Variants in CTNNA2 observed in about 807,000 individuals in gnomAD.
The protein encoded by CTNNA2 is catenin alpha-2.
Under a neutral mutation model 101.0 loss-of-function variants are expected in CTNNA2, and 42 were observed. The ratio of observed to expected loss-of-function variants is 0.42; its 90% CI spans 0.32 to 0.54. CTNNA2 has a LOEUF of 0.54. CTNNA2 is among the 20% of genes least tolerant of loss of function. The pLI is 0.14. For missense variants in CTNNA2, 871 were observed against 1,223.1 expected (o/e 0.71, Z 4.29); for synonymous variants, 450 against 456.4 (o/e 0.99, Z 0.18).
At chr2:80,193,348 G>C (rs769765195) in intron 7 of CTNNA2, among the ~76,000 whole-genome samples, 3 of 152,160 alleles carry the variant, frequency 2.0e-5, no homozygotes, top group Non-Finnish European at 2.9e-5. Flanking sequence ...TGTAATAGAA[G>C]CAAGCTTGAA....
chr2:79,276,949 C>T (rs530815880), intron 2 of CTNNA2, among the ~76,000 whole-genome samples: 1 of 152,280 alleles, frequency 6.6e-6, no homozygotes, highest in East Asian at 1.9e-4. Flanking sequence ...GATGTGCACA[C>T]ACACACATGC....
At chr2:79,253,651 G>C (rs1454126577) in intron 2 of CTNNA2, among the ~76,000 whole-genome samples, 5 of 152,190 alleles carry the variant, frequency 3.3e-5, no homozygotes, top group Admixed American at 2.0e-4. Context: ...CAGAGGGACA[G>C]CAAGGAAGGA....
At position 79,237,118 on chromosome 2, in the gene CTNNA2, T is replaced by C. The variant is rs78330109; in HGVS notation, c.-406+39042T>C. 3.3e-3 allele frequency among the ~76,000 whole-genome samples: 504 copies of C among 152,338 alleles called. 2 individuals carry two copies. The highest frequency in any genetic ancestry group is 0.012 in the African/African-American group (491 of 41,576). On this transcript the variant is annotated intron_variant, in intron 2 of 21. Coordinates refer to the CTNNA2 transcript ENST00000466387. The stretch of plus-strand genomic sequence containing the variant: ...AGCTACAGCCTTATGAAATGTATTT[T>C]TTAAATAGTCAGACCTGAAAGTCAA...
chr2:79,887,579 C>A (rs1447880083), intron 6 of CTNNA2, among the ~76,000 whole-genome samples: 1 of 152,098 alleles, frequency 6.6e-6, no homozygotes, highest in Non-Finnish European at 1.5e-5. Flanking sequence ...TATTCTTAAA[C>A]AAAATTCTAC....
chr2:79,552,358 G>A (rs955893325), intron 1 of CTNNA2, among the ~76,000 whole-genome samples: 1 of 151,976 alleles, frequency 6.6e-6, no homozygotes, highest in African/African-American at 2.4e-5. Context: ...GGCACTGGGA[G>A]CCCCCTTGGC....
intron 2 of CTNNA2, among the ~76,000 whole-genome samples, chr2:79,700,417 TGC>T (rs1219016983): frequency 6.6e-6 from 1 of 151,912 alleles, no homozygotes; most frequent in Non-Finnish European, 1.5e-5. Context: ...ATAATGGAGG[TGC>T]CAAGAGAGTC....
At position 79,657,708 on chromosome 2, in the gene CTNNA2, C is replaced by T. The variant is rs183819173; in HGVS notation, c.102+6050C>T. Among the ~76,000 whole-genome samples the T allele has an allele frequency of 5.9e-5, 9 of 151,578 alleles. No homozygotes were observed. In the East Asian group the frequency reaches 1.5e-3, roughly 26 times the overall value. The stretch of plus-strand genomic sequence containing the variant: ...ACCTACCTAAGCTATTAGTAAATAG[C>T]ACCCAGCAGTATATGAAAAGATCAG... On this transcript the variant is annotated intron_variant, in intron 2 of 18. Transcript: ENST00000402739.
intron 1 of CTNNA2, among the ~76,000 whole-genome samples, chr2:79,550,129 A>G (rs1674002102): frequency 6.6e-6 from 1 of 152,182 alleles, no homozygotes; most frequent in African/African-American, 2.4e-5. Context: ...CTGGATATCA[A>G]TGTCAAGTGA....
chr2:80,488,652 T>C (rs985662564), intron 9 of CTNNA2, among the ~76,000 whole-genome samples: 2 of 152,210 alleles, frequency 1.3e-5, no homozygotes, highest in Non-Finnish European at 2.9e-5. Flanking sequence ...GTTTCCATTC[T>C]AATACAGTTT....
chr2:79,978,310 G>A (rs1323564781), intron 7 of CTNNA2, among the ~76,000 whole-genome samples: 4 of 152,110 alleles, frequency 2.6e-5, no homozygotes, highest in Non-Finnish European at 2.9e-5. Context: ...CCTGGCTTTC[G>A]ACATCGGCCA....
intron 1 of CTNNA2, among the ~76,000 whole-genome samples, chr2:79,644,191 C>G (rs934594988): frequency 5.9e-5 from 9 of 152,054 alleles, no homozygotes; most frequent in African/African-American, 2.2e-4. Context: ...GTGGCCACCA[C>G]CACACCTAGC....
At chr2:79,314,544 G>T (rs1394659173) in intron 3 of CTNNA2, among the ~76,000 whole-genome samples, 1 of 152,242 alleles carries the variant, frequency 6.6e-6, no homozygotes, top group Admixed American at 6.5e-5. Flanking sequence ...AAGGCTCAGA[G>T]AATAGAGACC....
intron 7 of CTNNA2, among the ~76,000 whole-genome samples, chr2:80,338,938 C>A (rs1348596441): frequency 6.6e-6 from 1 of 152,148 alleles, no homozygotes; most frequent in Non-Finnish European, 1.5e-5. Context: ...AACAGGAATG[C>A]ACATTTTCTA....
At chr2:80,212,427 AG>A (rs1351977758) in intron 7 of CTNNA2, among the ~76,000 whole-genome samples, 17 of 152,154 alleles carry the variant, frequency 1.1e-4, no homozygotes, top group African/African-American at 3.9e-4. Flanking sequence ...TTTAGCATGA[AG>A]GGCTGTTGAA....
chr2:79,844,517 G>A lies in CTNNA2; in HGVS notation c.299-13496G>A, dbSNP rs141063167. On this transcript the variant is annotated intron_variant, in intron 3 of 18. Coordinates refer to ENST00000402739, the MANE Select transcript of CTNNA2 (RefSeq NM_001282597.3). ...GTGGGTCACATTTCCAGTAGTAGGA[G>A]ACAAAAGGGTAAAATTCACTGACTT... is the stretch of plus-strand genomic sequence containing the variant. 3.9e-3 allele frequency among the ~76,000 whole-genome samples: 591 copies of A among 152,274 alleles called. 2 individuals carry two copies. The highest frequency in any genetic ancestry group is 0.013 in the African/African-American group (558 of 41,570).
chr2:80,547,027 G>T (rs937811595), intron 11 of CTNNA2, among the ~76,000 whole-genome samples: 13 of 152,346 alleles, frequency 8.5e-5, no homozygotes, highest in African/African-American at 2.9e-4. Context: ...TTGCATCACT[G>T]TTGGTGGGAA....
intron 2 of CTNNA2, among the ~76,000 whole-genome samples, chr2:79,198,373 C>G (rs1673989777): frequency 6.6e-6 from 1 of 152,132 alleles, no homozygotes; most frequent in Admixed American, 6.5e-5. Flanking sequence ...AAATAAACAA[C>G]AAAACAACAT....
chr2:79,577,274 C>T (rs534237473), intron 1 of CTNNA2, among the ~76,000 whole-genome samples: 1 of 152,100 alleles, frequency 6.6e-6, no homozygotes, highest in East Asian at 1.9e-4. Context: ...CGTATGTTAA[C>T]TTTTATTCTA....
chr2:79,796,412 A>AAAAAG (rs10674784), intron 3 of CTNNA2, among the ~76,000 whole-genome samples: 1 of 151,544 alleles, frequency 6.6e-6, no homozygotes. Context: ...AAAAAAAAAA[A>AAAAAG]GTGGCCTAAA....
Sources: allele counts gnomAD v4.1 joint callset (sites outside exome capture counted in the v4.1 genomes callset), GRCh38; gene constraint gnomAD v4.1.1; transcripts MANE v1.5; gene names NCBI Gene and HGNC (gene_info 2026-07-23, HGNC 2026-07-21).